The following P2RX3 variants were observed in gnomAD, a reference collection of about 807,000 sequenced individuals.
P2RX3 encodes the protein P2X purinoceptor 3.
P2RX3 carries 41 observed loss-of-function variants against 51.5 expected under a neutral mutation model. That is an observed-to-expected ratio of 0.80 (90% CI 0.62 to 1.03). P2RX3 has a LOEUF of 1.03. Among genes scored for constraint, P2RX3 ranks in the 50% least tolerant of loss-of-function variants. The pLI is 0.00. For missense variants in P2RX3, 459 were observed against 522.1 expected, an observed-to-expected ratio of 0.88 and a Z score of 1.18; for synonymous variants, 185 against 191.6, an observed-to-expected ratio of 0.97 and a Z score of 0.29.
Position 57,368,102 on chromosome 11 carries a change from T to C in P2RX3, c.936T>C (p.Asn312=). 1.2e-6 allele frequency: 2 copies of C among 1,613,892 alleles called. No homozygotes were observed. The highest frequency in any genetic ancestry group is 2.2e-5 in the South Asian group (2 of 91,074). The change falls in exon 9 of 12, where the codon AAT becomes AAC. Residue 312 remains asparagine (N), a splice_region_variant and synonymous_variant. Transcript: ENST00000263314. ...GCTTCGACGTGCTGGTATACGGGAATGTGAGTCCATGGGCCAGGCAGATGG... is the reference window on the plus strand; with the variant it reads ...GCTTCGACGTGCTGGTATACGGGAACGTGAGTCCATGGGCCAGGCAGATGG... ...GIRFDVLVYG[N]AGKFNIIPTI... is the part of the protein sequence containing the mutation.
chr11:57,369,273 G>A (rs2134452837), intron 10 of P2RX3, 88 bp from the exon 11 acceptor site: 2 of 1,132,588 alleles, frequency 1.8e-6, no homozygotes, highest in Non-Finnish European at 2.6e-6. Context: ...CAGCTTGGGG[G>A]TGCTGCCCGA....
intron 8 of P2RX3, among the ~76,000 whole-genome samples, chr11:57,356,807 A>G (rs998524395): frequency 3.0e-5 from 4 of 133,804 alleles, no homozygotes; most frequent in Admixed American, 2.6e-4. Flanking sequence ...AATTCTCCAT[A>G]ATCCATTTTC....
At chr11:57,356,680 C>G (rs1856636307) in intron 8 of P2RX3, among the ~76,000 whole-genome samples, 1 of 152,206 alleles carries the variant, frequency 6.6e-6, no homozygotes, top group African/African-American at 2.4e-5. Context: ...ATCATTCTCT[C>G]TACAATCTGG....
Position 57,367,973 on chromosome 11 carries a change from C to G in P2RX3, c.843-36C>G, listed in dbSNP as rs767009570. 7.2e-6 allele frequency: 11 copies of G among 1,535,086 alleles called. 1 individual carries two copies. In the South Asian group the frequency reaches 1.2e-4, roughly 17 times the overall value. On this transcript the variant is annotated intron_variant, in intron 8 of 11. Transcript: ENST00000263314. ...AAGGTTCAGGCAGGAGAGACAGGAT[C>G]CCACAGAGGGACCCATCTCTGCCTC...
chr11:57,364,538 T>A (rs1281320420), intron 8 of P2RX3, among the ~76,000 whole-genome samples: 1 of 152,240 alleles, frequency 6.6e-6, no homozygotes, highest in Non-Finnish European at 1.5e-5. Context: ...ATGGAGACAG[T>A]GATGGTCTAT....
At chr11:57,353,715 G>A (rs1856583068) in intron 8 of P2RX3, among the ~76,000 whole-genome samples, 2 of 152,014 alleles carry the variant, frequency 1.3e-5, no homozygotes, top group Admixed American at 6.6e-5. Context: ...TGCTCTGGAG[G>A]GAATGGAATT....
At chr11:57,337,742 T>A (rs781484491), upstream of P2RX3, among the ~76,000 whole-genome samples, 5 of 152,194 alleles carry the variant, frequency 3.3e-5, no homozygotes, top group Non-Finnish European at 5.9e-5. Flanking sequence ...TATTTACAGT[T>A]AACGGGTGCA....
At chr11:57,351,305 G>A (rs560389423) in intron 8 of P2RX3, among the ~76,000 whole-genome samples, 25 of 152,272 alleles carry the variant, frequency 1.6e-4, no homozygotes, top group African/African-American at 5.5e-4. Context: ...CAAAGTAAGG[G>A]TGATAACTGG....
At chr11:57,352,226 A>T (rs1275683350) in intron 8 of P2RX3, among the ~76,000 whole-genome samples, 1 of 152,176 alleles carries the variant, frequency 6.6e-6, no homozygotes, top group Non-Finnish European at 1.5e-5. Flanking sequence ...CACCCACCCC[A>T]TTAAGCTTTA....
intron 7 of P2RX3, chr11:57,350,292 CA>C (rs1856520665): frequency 8.4e-6 from 1 of 119,070 alleles, no homozygotes; most frequent in South Asian, 2.8e-4. Flanking sequence ...ATCCGAGCCA[CA>C]ACCTTTTTTT....
At chr11:57,347,279 C>T (rs1856454926) in intron 3 of P2RX3, 92 bp downstream of exon 3, 5 of 1,496,300 alleles carry the variant, frequency 3.3e-6, no homozygotes, top group Non-Finnish European at 4.6e-6. Context: ...AGCAGAGGCC[C>T]CAAGTCTGAC....
chr11:57,351,543 CTGTT>C (rs1377723971), intron 8 of P2RX3, among the ~76,000 whole-genome samples: 2 of 152,178 alleles, frequency 1.3e-5, no homozygotes, highest in Admixed American at 6.5e-5. Flanking sequence ...AGAGGACAAA[CTGTT>C]TGGAAGCAAC....
chr11:57,357,040 G>A (rs1224676473), intron 8 of P2RX3, among the ~76,000 whole-genome samples: 1 of 152,176 alleles, frequency 6.6e-6, no homozygotes, highest in African/African-American at 2.4e-5. Context: ...TTAGAGCCAG[G>A]TGTGGTGGCT....
chr11:57,337,350 G>GAAAAAAAAAAAAAAAAA (rs11339711), upstream of P2RX3, among the ~76,000 whole-genome samples: 5 of 73,494 alleles, frequency 6.8e-5, no homozygotes, highest in East Asian at 3.7e-4. Context: ...AGGAAAGAAA[G>GAAAAAAAAAAAAAAAAA]AAAAAAAAAA....
rs1227287772 is a variant in P2RX3 at position 57,370,185 on chromosome 11, C to T, written c.*188C>T. The T allele has an allele frequency of 5.2e-6, 3 of 577,132 alleles. No homozygotes were observed. Among genetic ancestry groups the T allele is most frequent in the Non-Finnish European group, 6.2e-6 (2 of 323,872 alleles). The allele number at this position is 577,132 out of a possible 1,614,324, so 35.8% of individuals were successfully genotyped here. On this transcript the variant is annotated 3_prime_UTR_variant, in exon 12 of 12. Transcript: ENST00000263314. ...ACAGGCAGTGCTCCCTGCTGAGACC[C>T]CAATCTCACCTTCACTCCTTGCCTG... is the stretch of plus-strand genomic sequence containing the variant.
chr11:57,364,224 C>A (rs972172868), intron 8 of P2RX3, among the ~76,000 whole-genome samples: 1 of 152,206 alleles, frequency 6.6e-6, no homozygotes, highest in African/African-American at 2.4e-5. Context: ...ATCTCTGAGA[C>A]AAGGGCCTTA....
Position 57,348,175 on chromosome 11 carries a change from C to T in P2RX3, c.397C>T (p.Leu133Phe), listed in dbSNP as rs536242075. Residue 133 changes from leucine to phenylalanine, a missense_variant, in exon 5 of 12, where the codon CTC (leucine) becomes TTC (phenylalanine). Transcript: ENST00000263314. ...GPERLPGGGI[L>F]TGRCVNYSSV... ...AGCTGTGGCTCTCACTTTAGGGATC[C>T]TCACTGGCCGCTGCGTGAACTACAG... 1.3e-6 allele frequency: 2 copies of T among 1,582,840 alleles called. No homozygotes were observed. Among genetic ancestry groups the T allele is most frequent in the African/African-American group, 1.3e-5 (1 of 74,704 alleles).
At chr11:57,359,026 T>A (rs533627926) in intron 8 of P2RX3, among the ~76,000 whole-genome samples, 3 of 152,250 alleles carry the variant, frequency 2.0e-5, no homozygotes, top group African/African-American at 4.8e-5. Context: ...CAAAGCACAT[T>A]CAGCTGGGGT....
At chr11:57,350,710 A>G in intron 7 of P2RX3, 52 bp from the exon 8 acceptor site, 1 of 1,561,192 alleles carries the variant, frequency 6.4e-7, no homozygotes, top group Non-Finnish European at 8.7e-7. Context: ...CCTGGCCCAG[A>G]GCAGGGAGTC....
Sources: gnomAD v4.1 joint callset for allele counts (sites outside exome capture counted in the v4.1 genomes callset) on GRCh38, gnomAD v4.1.1 for gene constraint, MANE v1.5 for transcripts, NCBI Gene and HGNC (gene_info 2026-07-23, HGNC 2026-07-21) for gene names.